The following ARMH4 variants were observed in gnomAD, a reference collection of about 807,000 sequenced individuals.
ARMH4 encodes the protein armadillo like helical domain containing 4.
ARMH4 carries 49 observed loss-of-function variants against 61.9 expected under a neutral mutation model. The observed-to-expected ratio is 0.79, with a 90% CI of 0.63 to 1.00. The LOEUF (loss-of-function observed/expected upper bound fraction) is 1.00. ARMH4 is among the 50% of genes least tolerant of loss of function. The pLI, the probability that ARMH4 is intolerant of heterozygous loss-of-function variation, is 0.00. For missense variants in ARMH4, 934 were observed against 930.0 expected (o/e 1.00, Z -0.06); for synonymous variants, 368 against 341.5 (o/e 1.08, Z -0.85).
At chr14:58,118,205 T>C (rs945416821) in intron 4 of ARMH4, among the ~76,000 whole-genome samples, 1 of 152,330 alleles carries the variant, frequency 6.6e-6, no homozygotes, top group East Asian at 1.9e-4. Flanking sequence ...TTATTTGCTA[T>C]AGAAAGTGAC....
At chr14:58,092,761 G>A (rs1203864442) in intron 5 of ARMH4, among the ~76,000 whole-genome samples, 1 of 151,204 alleles carries the variant, frequency 6.6e-6, no homozygotes, top group East Asian at 1.9e-4. Flanking sequence ...TAATTATAAT[G>A]AGCCCACCCA....
Position 58,023,742 on chromosome 14 carries a change from A to G in ARMH4, c.2090-11592T>C, listed in dbSNP as rs574075765. Among the ~76,000 whole-genome samples, 3 of 152,344 alleles carry G rather than the reference A, an allele frequency of 2.0e-5. No homozygotes were observed. The South Asian group carries it at 6.2e-4, about 32-fold the overall frequency. Reference sequence around the variant, plus strand: ...CCTTATGAAATGTATTTCTTAAATAATAAGACATGAAGGTCAAAATTATTC... The same window carrying G: ...CCTTATGAAATGTATTTCTTAAATAGTAAGACATGAAGGTCAAAATTATTC... On this transcript the variant is annotated intron_variant, in intron 5 of 7. Coordinates refer to ENST00000267485, the MANE Select transcript of ARMH4 (RefSeq NM_001001872.4).
intron 5 of ARMH4, among the ~76,000 whole-genome samples, chr14:58,080,830 A>G (rs1885197842): frequency 6.6e-6 from 1 of 152,148 alleles, no homozygotes; most frequent in Non-Finnish European, 1.5e-5. Context: ...GGCCAGGCAT[A>G]GTGGCTCACA....
chr14:58,125,440 C>A (rs988032382), intron 4 of ARMH4, among the ~76,000 whole-genome samples: 4 of 152,178 alleles, frequency 2.6e-5, no homozygotes, highest in Admixed American at 2.0e-4. Context: ...CTGGACCAGG[C>A]CTTTTCAAAA....
chr14:58,114,947 T>C (rs1886470812), intron 4 of ARMH4, among the ~76,000 whole-genome samples: 1 of 152,148 alleles, frequency 6.6e-6, no homozygotes. Flanking sequence ...TAACTCAAGA[T>C]GGATTAAAGA....
At chr14:58,056,526 T>C (rs953493994) in intron 5 of ARMH4, among the ~76,000 whole-genome samples, 2 of 152,152 alleles carry the variant, frequency 1.3e-5, no homozygotes, top group Non-Finnish European at 2.9e-5. Context: ...AAGGGAACCA[T>C]TGAGACAAGG....
chr14:58,042,474 C>T (rs1488457854), intron 5 of ARMH4, among the ~76,000 whole-genome samples: 1 of 151,718 alleles, frequency 6.6e-6, no homozygotes, highest in East Asian at 1.9e-4. Context: ...ATTTATAGCA[C>T]TAAATGCCCA....
intron 4 of ARMH4, among the ~76,000 whole-genome samples, chr14:58,102,234 G>C (rs1036927995): frequency 6.6e-6 from 1 of 152,172 alleles, no homozygotes; most frequent in African/African-American, 2.4e-5. Context: ...TTATGGGGTA[G>C]AGAAAGGAAA....
At chr14:58,008,694 T>C (rs569781556) in intron 6 of ARMH4, among the ~76,000 whole-genome samples, 69 of 152,284 alleles carry the variant, frequency 4.5e-4, no homozygotes, top group African/African-American at 1.6e-3. Flanking sequence ...ATGCAGATTG[T>C]TGGGCCCCAT....
At chr14:58,136,239 G>A (rs906090346) in intron 2 of ARMH4, among the ~76,000 whole-genome samples, 1 of 152,088 alleles carries the variant, frequency 6.6e-6, no homozygotes, top group Non-Finnish European at 1.5e-5. Flanking sequence ...AAATAATCAG[G>A]AAATTACCAA....
intron 4 of ARMH4, among the ~76,000 whole-genome samples, chr14:58,130,082 T>C (rs1887037132): frequency 6.6e-6 from 1 of 152,240 alleles, no homozygotes; most frequent in East Asian, 1.9e-4. Flanking sequence ...TTTCTCTGAT[T>C]TAATGAGCCC....
At chr14:58,061,922 A>G (rs1227671713) in intron 5 of ARMH4, among the ~76,000 whole-genome samples, 3 of 151,680 alleles carry the variant, frequency 2.0e-5, no homozygotes, top group Non-Finnish European at 4.4e-5. Context: ...TGCTTATGTT[A>G]TCTCATTTAC....
At chr14:58,074,360 T>C (rs377469633) in intron 5 of ARMH4, among the ~76,000 whole-genome samples, 7 of 152,212 alleles carry the variant, frequency 4.6e-5, no homozygotes, top group Non-Finnish European at 7.3e-5. Flanking sequence ...AAATCAGATA[T>C]GTAATCTACT....
intron 5 of ARMH4, among the ~76,000 whole-genome samples, chr14:58,020,952 T>C (rs1206415768): frequency 6.6e-6 from 1 of 151,950 alleles, no homozygotes; most frequent in Non-Finnish European, 1.5e-5. Context: ...CCAGGAGAGC[T>C]GATGTAGTCC....
Position 58,096,849 on chromosome 14 carries a change from C to T in ARMH4, c.1964G>A (p.Gly655Asp), listed in dbSNP as rs764485521. 3 of 1,614,030 alleles carry T rather than the reference C, an allele frequency of 1.9e-6. No individual in the cohort carries two copies. The highest frequency in any genetic ancestry group is 2.5e-6 in the Non-Finnish European group (3 of 1,180,040). ...GGATGTGATACCAGGGAGGGTAAAA[C>T]CTGGCAGCTCAGTGTCACCATCCAA... ...EGLDGDTELP[G>D]FTLPGITSQE... Residue 655 changes from glycine to aspartate, a missense_variant, in exon 5 of 8, where the codon GGT (glycine) becomes GAT (aspartate). Gly to Asp is a moderately conservative substitution (Grantham distance 94). Coordinates refer to ENST00000267485, the MANE Select transcript of ARMH4 (RefSeq NM_001001872.4).
At chr14:58,028,143 C>G (rs182747973) in intron 5 of ARMH4, among the ~76,000 whole-genome samples, 57 of 152,260 alleles carry the variant, frequency 3.7e-4, no homozygotes, top group African/African-American at 1.3e-3. Context: ...TCCACTTGGC[C>G]AGGTTCTTAA....
intron 5 of ARMH4, among the ~76,000 whole-genome samples, chr14:58,079,236 A>G (rs1431980291): frequency 2.0e-5 from 3 of 152,238 alleles, no homozygotes; most frequent in Admixed American, 1.3e-4. Flanking sequence ...GGTAATTTAT[A>G]AAGAAAAAAA....
At chr14:58,122,007 C>T (rs927008000) in intron 4 of ARMH4, among the ~76,000 whole-genome samples, 1 of 152,064 alleles carries the variant, frequency 6.6e-6, no homozygotes, top group African/African-American at 2.4e-5. Context: ...TACTCTTTTC[C>T]ATGTCATCTC....
chr14:58,150,014 T>G (rs1305844807), intron 1 of ARMH4, among the ~76,000 whole-genome samples: 1 of 151,952 alleles, frequency 6.6e-6, no homozygotes, highest in East Asian at 1.9e-4. Context: ...ATGTAGACAA[T>G]GTGACCTGAG....
Sources: allele counts gnomAD v4.1 joint callset (sites outside exome capture counted in the v4.1 genomes callset), GRCh38; gene constraint gnomAD v4.1.1; transcripts MANE v1.5; gene names NCBI Gene and HGNC (gene_info 2026-07-23, HGNC 2026-07-21).